Variants in KCNIP4 observed in about 807,000 individuals in gnomAD.
KCNIP4 encodes potassium voltage-gated channel interacting protein 4.
Under a neutral mutation model 34.0 loss-of-function variants are expected in KCNIP4, and 12 were observed. The observed-to-expected ratio is 0.35, with a 90% CI of 0.23 to 0.57. KCNIP4 has a LOEUF of 0.57. KCNIP4 is among the 20% of genes least tolerant of loss of function. The probability of loss-of-function intolerance (pLI) is 0.83; values close to 1 mark genes in which losing one functional copy is unlikely to be tolerated. For synonymous variants in KCNIP4, 124 were observed against 102.2 expected (o/e 1.21, Z -1.29); for missense variants, 238 against 311.7 (o/e 0.76, Z 1.78).
chr4:21,662,304 A>G (rs1394731057), intron 1 of KCNIP4, among the ~76,000 whole-genome samples: 2 of 152,172 alleles, frequency 1.3e-5, no homozygotes, highest in African/African-American at 4.8e-5. Flanking sequence ...TTTCTACCAG[A>G]TGTATTTTTA....
chr4:21,865,966 A>G (rs1725391042), intron 1 of KCNIP4, among the ~76,000 whole-genome samples: 2 of 151,470 alleles, frequency 1.3e-5, no homozygotes, highest in Non-Finnish European at 2.9e-5. Flanking sequence ...CTATATATAT[A>G]TTATATATAT....
chr4:21,419,492 T>C (rs1390862012), intron 1 of KCNIP4, among the ~76,000 whole-genome samples: 2 of 152,094 alleles, frequency 1.3e-5, no homozygotes, highest in Non-Finnish European at 2.9e-5. Context: ...GTGTTGCTTC[T>C]CCACCTATAA....
intron 1 of KCNIP4, among the ~76,000 whole-genome samples, chr4:20,985,849 A>G (rs536881620): frequency 3.9e-5 from 6 of 152,322 alleles, no homozygotes; most frequent in Admixed American, 6.5e-5. Context: ...AACCTGAATC[A>G]TTACTAGAAG....
intron 1 of KCNIP4, among the ~76,000 whole-genome samples, chr4:21,133,853 A>G (rs1169775547): frequency 2.0e-5 from 3 of 152,226 alleles, no homozygotes; most frequent in African/African-American, 7.2e-5. Context: ...CATACACACT[A>G]GAAAGCCCAG....
intron 1 of KCNIP4, among the ~76,000 whole-genome samples, chr4:21,607,539 A>G (rs1307167234): frequency 6.6e-6 from 1 of 151,888 alleles, no homozygotes; most frequent in Non-Finnish European, 1.5e-5. Flanking sequence ...CCCAGAATCA[A>G]ATCAGGTGGA....
chr4:21,946,638 G>C (rs1301134213), intron 1 of KCNIP4, among the ~76,000 whole-genome samples: 1 of 152,026 alleles, frequency 6.6e-6, no homozygotes, highest in Non-Finnish European at 1.5e-5. Flanking sequence ...ATATCAACAA[G>C]AATAAAAAAG....
intron 1 of KCNIP4, chr4:21,613,280 C>T (rs1490744864): frequency 6.6e-6 from 1 of 152,150 alleles, no homozygotes; most frequent in Non-Finnish European, 1.5e-5. Context: ...TCATCAGAGG[C>T]TGGGTTATCA....
intron 1 of KCNIP4, among the ~76,000 whole-genome samples, chr4:21,031,836 A>G (rs908230204): frequency 6.6e-6 from 1 of 152,234 alleles, no homozygotes; most frequent in Admixed American, 6.5e-5. Flanking sequence ...TCTCTTGATA[A>G]CAACTTCTAA....
intron 1 of KCNIP4, among the ~76,000 whole-genome samples, chr4:21,283,850 A>AC (rs1312681743): frequency 1.3e-5 from 2 of 151,826 alleles, no homozygotes; most frequent in East Asian, 3.9e-4. Context: ...ACACACACAC[A>AC]AAAAAAATAA....
Position 20,924,225 on chromosome 4 carries a change from T to C in KCNIP4, c.62-41516A>G, listed in dbSNP as rs113656564. Among the ~76,000 whole-genome samples, 688 of 152,300 alleles carry C rather than the reference T, an allele frequency of 4.5e-3. 7 individuals carry two copies. The highest frequency in any genetic ancestry group is 0.014 in the African/African-American group (601 of 41,564). Reference sequence around the variant, plus strand: ...CTGATTGAGAGCATGAAACAGTCCATATTAGGTTTTATTATTTCTAGGCCA... The same window carrying C: ...CTGATTGAGAGCATGAAACAGTCCACATTAGGTTTTATTATTTCTAGGCCA... On this transcript the variant is annotated intron_variant, in intron 1 of 8. Coordinates refer to ENST00000382152, the MANE Select transcript of KCNIP4 (RefSeq NM_025221.6).
At chr4:21,926,158 T>C (rs1311921982) in intron 1 of KCNIP4, among the ~76,000 whole-genome samples, 1 of 152,226 alleles carries the variant, frequency 6.6e-6, no homozygotes, top group Non-Finnish European at 1.5e-5. Flanking sequence ...CAGCAATTGC[T>C]GTGGCTAAAA....
rs149831353 is a variant in KCNIP4, at chr4:21,012,943, G to A, written c.62-130234C>T. Among the ~76,000 whole-genome samples the A allele has an allele frequency of 6.6e-5, 10 of 152,296 alleles. No homozygotes were observed. The East Asian group carries it at 1.7e-3, about 27-fold the overall frequency. ...GCACAGAATGCCTTAATTCCAAGGTGTGACTCACTGTAATCCTGAGAATTA... is the reference window on the plus strand; with the variant it reads ...GCACAGAATGCCTTAATTCCAAGGTATGACTCACTGTAATCCTGAGAATTA... On this transcript the variant is annotated intron_variant, in intron 1 of 8. Coordinates refer to ENST00000382152, the MANE Select transcript of KCNIP4 (RefSeq NM_025221.6).
At chr4:21,463,198 T>C (rs1173945407) in intron 1 of KCNIP4, among the ~76,000 whole-genome samples, 1 of 152,158 alleles carries the variant, frequency 6.6e-6, no homozygotes, top group African/African-American at 2.4e-5. Context: ...GTATTTTTGA[T>C]AGAAGTCATT....
At chr4:21,913,165 G>C (rs1446566034) in intron 1 of KCNIP4, among the ~76,000 whole-genome samples, 1 of 151,906 alleles carries the variant, frequency 6.6e-6, no homozygotes. Flanking sequence ...GCTTTCCTTT[G>C]AATGTTTCTT....
At chr4:20,990,003 T>C (rs928397738) in intron 1 of KCNIP4, among the ~76,000 whole-genome samples, 1 of 152,110 alleles carries the variant, frequency 6.6e-6, no homozygotes, top group Admixed American at 6.5e-5. Context: ...ACGACAGTGG[T>C]AAAGCCAGAT....
intron 3 of KCNIP4, among the ~76,000 whole-genome samples, chr4:20,847,582 T>C (rs960999454): frequency 1.3e-5 from 2 of 152,102 alleles, no homozygotes; most frequent in Admixed American, 6.6e-5. Context: ...GACCTAAAAA[T>C]GTGTGGGAGC....
intron 1 of KCNIP4, among the ~76,000 whole-genome samples, chr4:21,147,836 G>A (rs1332542009): frequency 1.3e-5 from 2 of 150,742 alleles, no homozygotes; most frequent in Admixed American, 6.6e-5. Flanking sequence ...CTACTTGGGA[G>A]GCTGATGTGG....
intron 3 of KCNIP4, among the ~76,000 whole-genome samples, chr4:20,836,918 C>A (rs746413978): frequency 6.0e-5 from 9 of 150,336 alleles, no homozygotes; most frequent in East Asian, 2.0e-4. Context: ...TTAAGTAATT[C>A]TTTGCTTACT....
At chr4:21,236,374 C>A (rs564565819) in intron 1 of KCNIP4, among the ~76,000 whole-genome samples, 1 of 152,246 alleles carries the variant, frequency 6.6e-6, no homozygotes, top group African/African-American at 2.4e-5. Flanking sequence ...TGTATTGATA[C>A]AACCACTTTA....
Sources: allele counts gnomAD v4.1 joint callset (sites outside exome capture counted in the v4.1 genomes callset), GRCh38; gene constraint gnomAD v4.1.1; transcripts MANE v1.5; gene names NCBI Gene and HGNC (gene_info 2026-07-23, HGNC 2026-07-21).